PRKN: variants seen among roughly 807,000 people sequenced by gnomAD.
PRKN encodes the protein parkin RBR E3 ubiquitin protein ligase.
A neutral mutation model predicts 59.5 loss-of-function variants in PRKN; 56 were observed. The observed-to-expected ratio is 0.94, with a 90% confidence interval of 0.76 to 1.18. The LOEUF is 1.18. Ranked by LOEUF, PRKN falls within the 50% of genes most tolerant of loss-of-function variation. The probability of loss-of-function intolerance (pLI) is 0.00; values close to 1 mark genes in which losing one functional copy is unlikely to be tolerated. For missense variants in PRKN, 657 were observed against 596.4 expected, an observed-to-expected ratio of 1.10 and a Z score of -1.06; for synonymous variants, 250 against 222.1, an observed-to-expected ratio of 1.13 and a Z score of -1.12.
At chr6:161,814,945 T>G (rs1345226698) in intron 6 of PRKN, among the ~76,000 whole-genome samples, 2 of 152,162 alleles carry the variant, frequency 1.3e-5, no homozygotes, top group Non-Finnish European at 2.9e-5. Flanking sequence ...GAGCTCAAGA[T>G]GAGATTGGGT....
At chr6:161,893,015 G>T (rs1777471867) in intron 6 of PRKN, among the ~76,000 whole-genome samples, 1 of 152,096 alleles carries the variant, frequency 6.6e-6, no homozygotes, top group Non-Finnish European at 1.5e-5. Flanking sequence ...GCTAATTTTT[G>T]TATTTTTAGT....
At chr6:161,628,149 A>G (rs1783161963) in intron 7 of PRKN, among the ~76,000 whole-genome samples, 1 of 152,230 alleles carries the variant, frequency 6.6e-6, no homozygotes, top group Admixed American at 6.5e-5. Context: ...AGATTAAAAA[A>G]TCAATGTCAT....
At position 161,428,024 on chromosome 6, in the gene PRKN, C is replaced by A. The variant is rs1391665946; in HGVS notation, c.1084-41147G>T. On this transcript the variant is annotated intron_variant, in intron 9 of 11. Coordinates refer to ENST00000366898, the MANE Select transcript of PRKN (RefSeq NM_004562.3). The surrounding 1 kb of genome is among the most constrained non-coding windows in gnomAD (Gnocchi z 4.0). The stretch of plus-strand genomic sequence containing the variant: ...ACAGAGGGTGACACTTGCATGGTTG[C>A]AGAAGGAAGCTCGCTGCAGTCTGAG... Among the ~76,000 whole-genome samples the A allele has an allele frequency of 1.3e-5, 2 of 152,136 alleles. No individual in the cohort carries two copies. The highest frequency in any genetic ancestry group is 2.9e-5 in the Non-Finnish European group (2 of 68,024).
intron 1 of PRKN, among the ~76,000 whole-genome samples, chr6:162,717,565 C>CAAAA: frequency 8.5e-6 from 1 of 117,736 alleles, no homozygotes; most frequent in Non-Finnish European, 1.7e-5. Flanking sequence ...GATCTTGTCT[C>CAAAA]AAAAAAAAAA....
chr6:162,217,516 C>T (rs998078325), intron 3 of PRKN, among the ~76,000 whole-genome samples: 11 of 152,270 alleles, frequency 7.2e-5, no homozygotes, highest in Middle Eastern at 3.4e-3. Context: ...TCCCAAGTAG[C>T]TGGGATTACA....
chr6:161,398,612 T>C (rs1786881825), intron 9 of PRKN, among the ~76,000 whole-genome samples: 1 of 152,190 alleles, frequency 6.6e-6, no homozygotes, highest in African/African-American at 2.4e-5. Context: ...AGAACGTATG[T>C]AATTTCCAGT....
chr6:162,333,072 A>G (rs907223157), intron 2 of PRKN, among the ~76,000 whole-genome samples: 2 of 152,162 alleles, frequency 1.3e-5, no homozygotes, highest in Non-Finnish European at 2.9e-5. Context: ...CCATAGTTTA[A>G]AGAAATATTT....
chr6:162,614,785 A>G (rs1472844232), intron 1 of PRKN, among the ~76,000 whole-genome samples: 1 of 152,196 alleles, frequency 6.6e-6, no homozygotes, highest in Non-Finnish European at 1.5e-5. Flanking sequence ...TTTAAAAAAG[A>G]AACTGAAAGA....
intron 2 of PRKN, among the ~76,000 whole-genome samples, chr6:162,279,187 A>T (rs1044644110): frequency 1.3e-5 from 2 of 151,790 alleles, no homozygotes; most frequent in African/African-American, 2.4e-5. Flanking sequence ...AAATACAAAA[A>T]ATTAGCCAGG....
chr6:162,288,795 G>A (rs531937327), intron 2 of PRKN, among the ~76,000 whole-genome samples: 1 of 152,266 alleles, frequency 6.6e-6, no homozygotes, highest in South Asian at 2.1e-4. Context: ...ATCATTCCAA[G>A]GATTCTTGCC....
At chr6:162,045,520 G>A (rs1784218543) in intron 5 of PRKN, among the ~76,000 whole-genome samples, 1 of 152,242 alleles carries the variant, frequency 6.6e-6, no homozygotes, top group Non-Finnish European at 1.5e-5. Context: ...CATCGTCTCA[G>A]TTGTGATTTG....
At chr6:161,626,403 G>T (rs113265288) in intron 7 of PRKN, among the ~76,000 whole-genome samples, 8,387 of 152,268 alleles carry the variant, frequency 0.055, 322 homozygotes, top group Non-Finnish European at 0.084. Context: ...GATGCTTCAG[G>T]TCCCGTTAGT....
intron 1 of PRKN, among the ~76,000 whole-genome samples, chr6:162,514,980 A>G (rs1583703628): frequency 6.6e-6 from 1 of 151,994 alleles, no homozygotes; most frequent in East Asian, 1.9e-4. Context: ...AGTGATATAC[A>G]AAAAAAAGGA....
intron 1 of PRKN, among the ~76,000 whole-genome samples, chr6:162,594,634 G>C (rs1024757251): frequency 6.6e-6 from 1 of 152,030 alleles, no homozygotes; most frequent in Non-Finnish European, 1.5e-5. Flanking sequence ...ACCACTTAGA[G>C]GAATTTAGTA....
At chr6:162,090,390 C>T (rs1779435507) in intron 4 of PRKN, among the ~76,000 whole-genome samples, 1 of 151,998 alleles carries the variant, frequency 6.6e-6, no homozygotes, top group South Asian at 2.1e-4. Context: ...ATCAGCATGC[C>T]CTACATTTTC....
intron 7 of PRKN, among the ~76,000 whole-genome samples, chr6:161,612,248 C>T (rs1405595671): frequency 1.3e-5 from 2 of 152,238 alleles, no homozygotes; most frequent in Non-Finnish European, 2.9e-5. Context: ...CACTAAACCA[C>T]AGGTTTTCAA....
intron 7 of PRKN, among the ~76,000 whole-genome samples, chr6:161,712,444 C>T (rs561294537): frequency 1.3e-5 from 2 of 152,274 alleles, no homozygotes; most frequent in African/African-American, 4.8e-5. Flanking sequence ...GACACCTTTC[C>T]ATCCAGTATT....
At chr6:162,672,110 T>C (rs1251807053) in intron 1 of PRKN, among the ~76,000 whole-genome samples, 1 of 152,068 alleles carries the variant, frequency 6.6e-6, no homozygotes, top group Non-Finnish European at 1.5e-5. Context: ...TAATATAGAA[T>C]TAACCATTTT....
At position 161,552,778 on chromosome 6, in the gene PRKN, TTTG is replaced by T. The variant is rs1316260237; in HGVS notation, c.934-3778_934-3776del. 5.1e-5 allele frequency among the ~76,000 whole-genome samples: 6 copies of T among 117,450 alleles called. No homozygotes were observed. The highest frequency in any genetic ancestry group is 1.2e-4 in the Non-Finnish European group (6 of 50,870). 77.1% of individuals were successfully genotyped at this position (117,450 alleles called of 152,430 possible). A position where few individuals can be genotyped will look rare whatever the true frequency, so the allele number is the denominator to read the frequency against. On this transcript the variant is annotated intron_variant, in intron 8 of 11. Transcript: ENST00000366898. The surrounding 1 kb of genome is among the most constrained non-coding windows in gnomAD (Gnocchi z 4.9). ...ACCCCTTCCTAAAAGACACCATGGT[TTTG>T]TTGTTGTTTTTGTTTTTTGTTTTTT...
Sources: allele counts gnomAD v4.1 joint callset (sites outside exome capture counted in the v4.1 genomes callset), GRCh38; gene constraint gnomAD v4.1.1; non-coding constraint Gnocchi (gnomAD v3.1); transcripts MANE v1.5; gene names NCBI Gene and HGNC (gene_info 2026-07-23, HGNC 2026-07-21).